The following STXBP4 variants were observed in gnomAD, a reference collection of about 807,000 sequenced individuals.
STXBP4 encodes the protein syntaxin-binding protein 4.
Under a neutral mutation model 76.1 loss-of-function variants are expected in STXBP4, and 55 were observed. The observed-to-expected ratio is 0.72, with a 90% CI of 0.58 to 0.91. STXBP4 has a LOEUF of 0.91. Among genes scored for constraint, STXBP4 ranks in the 40% least tolerant of loss-of-function variants. The probability of loss-of-function intolerance (pLI) is 0.00; values close to 1 mark genes in which losing one functional copy is unlikely to be tolerated. For missense variants in STXBP4, 618 were observed against 636.9 expected, an observed-to-expected ratio of 0.97 and a Z score of 0.32; for synonymous variants, 201 against 220.2, an observed-to-expected ratio of 0.91 and a Z score of 0.77.
In STXBP4 at chr17:54,990,956, A is replaced by C; in HGVS notation, c.179A>C (p.Lys60Thr). 6.4e-7 allele frequency: 1 copy of C among 1,554,318 alleles called. No individual in the cohort carries two copies. Among genetic ancestry groups the C allele is most frequent in the Non-Finnish European group, 8.6e-7 (1 of 1,157,360 alleles). ...ATTATTCCTGGAGGAGACTGTTATA[A>C]GGTAAAAATATGTCCCATGCCCACC... is the stretch of plus-strand genomic sequence containing the variant. The part of the protein sequence containing the change: ...QEIIPGGDCY[K>T]DGRLKPGDQL... The change falls in exon 4 of 18, where the codon AAG (lysine) becomes ACG (threonine). Residue 60 changes from lysine (K) to threonine (T), a missense_variant and splice_region_variant. By Grantham distance (78) the Lys-to-Thr change is moderately conservative (BLOSUM62 -1). Transcript: ENST00000376352.
At chr17:55,113,999 GAAC>G (rs2079753585) in intron 16 of STXBP4, among the ~76,000 whole-genome samples, 1 of 152,060 alleles carries the variant, frequency 6.6e-6, no homozygotes, top group Non-Finnish European at 1.5e-5. Context: ...TGAAATAGAA[GAAC>G]AACTGATTTT....
At chr17:55,195,721 C>A in the STXBP4 span, among the ~76,000 whole-genome samples, 1 of 152,198 alleles carries the variant, frequency 6.6e-6, no homozygotes, top group African/African-American at 2.4e-5. Context: ...CAGGTGTGAG[C>A]CACTGGGCTT....
At chr17:54,997,543 A>G (rs897369451) in intron 4 of STXBP4, among the ~76,000 whole-genome samples, 17 of 145,436 alleles carry the variant, frequency 1.2e-4, no homozygotes, top group Non-Finnish European at 2.3e-4. Flanking sequence ...TAACATAAAT[A>G]TATATAATAT....
At chr17:55,207,605 T>C in the STXBP4 span, among the ~76,000 whole-genome samples, 1 of 152,256 alleles carries the variant, frequency 6.6e-6, no homozygotes, top group East Asian at 1.9e-4. Flanking sequence ...AGTATTTATG[T>C]CACTGGTCTC....
chr17:55,084,665 G>A (rs2079301083), intron 16 of STXBP4, among the ~76,000 whole-genome samples: 2 of 151,840 alleles, frequency 1.3e-5, no homozygotes, highest in South Asian at 2.1e-4. Flanking sequence ...TGTATAAGGT[G>A]TAAGGAAGGG....
At chr17:55,064,814 G>A (rs1005270838) in intron 12 of STXBP4, among the ~76,000 whole-genome samples, 1 of 152,058 alleles carries the variant, frequency 6.6e-6, no homozygotes, top group Admixed American at 6.6e-5. Flanking sequence ...AAACATAAAT[G>A]TTTTTGTGTT....
chr17:55,005,148 A>T (rs144286309), intron 7 of STXBP4, among the ~76,000 whole-genome samples: 125 of 152,336 alleles, frequency 8.2e-4, no homozygotes, highest in Non-Finnish European at 1.4e-3. Flanking sequence ...TGTTGATATT[A>T]ACAATACTGC....
chr17:55,170,689 T>C lies in STXBP4; in HGVS notation c.*10778T>C, dbSNP rs1185088585. The C allele has an allele frequency of 6.6e-6, 1 of 152,220 alleles. No individual in the cohort carries two copies. Among genetic ancestry groups the C allele is most frequent in the Non-Finnish European group, 1.5e-5 (1 of 68,036 alleles). The allele number at this position is 152,220 out of a possible 1,614,324, so 9.4% of individuals were successfully genotyped here. ...GGGACTGGAAAGATCAGAGATTATG[T>C]TATGGCCATGAATGAGGCCTGACCT... is the stretch of plus-strand genomic sequence containing the variant. On this transcript the variant is annotated 3_prime_UTR_variant, in exon 18 of 18. Coordinates refer to ENST00000376352, the MANE Select transcript of STXBP4 (RefSeq NM_178509.6).
At chr17:55,206,585 G>A in the STXBP4 span, among the ~76,000 whole-genome samples, 2 of 152,040 alleles carry the variant, frequency 1.3e-5, no homozygotes, top group Admixed American at 6.6e-5. Context: ...AGCTGAGTAC[G>A]GTGGCTCATG....
At chr17:55,082,955 C>A (rs1409059477) in intron 16 of STXBP4, among the ~76,000 whole-genome samples, 1 of 151,170 alleles carries the variant, frequency 6.6e-6, no homozygotes, top group East Asian at 1.9e-4. Flanking sequence ...GAAGTAGTTG[C>A]ATGCAAGAAA....
chr17:55,034,756 C>G (rs2078569098), intron 10 of STXBP4, among the ~76,000 whole-genome samples: 1 of 152,050 alleles, frequency 6.6e-6, no homozygotes, highest in Non-Finnish European at 1.5e-5. Context: ...GCTAGTAACA[C>G]CCCTGTACCC....
chr17:55,085,732 C>T (rs1230868630), intron 16 of STXBP4, among the ~76,000 whole-genome samples: 2 of 152,002 alleles, frequency 1.3e-5, no homozygotes, highest in Non-Finnish European at 2.9e-5. Context: ...TTCAAAGACC[C>T]TCTGGGGTAA....
chr17:55,086,300 G>A (rs536530968), intron 16 of STXBP4, among the ~76,000 whole-genome samples: 1 of 151,910 alleles, frequency 6.6e-6, no homozygotes, highest in African/African-American at 2.4e-5. Flanking sequence ...TATGCATGGG[G>A]TACATAGTGA....
In STXBP4 at chr17:54,990,868, C is replaced by T. The variant is rs1679305658; in HGVS notation, c.91C>T (p.Leu31Phe). 4 of 1,603,986 alleles carry T rather than the reference C, an allele frequency of 2.5e-6. No homozygotes were observed. The highest frequency in any genetic ancestry group is 3.4e-6 in the Non-Finnish European group (4 of 1,176,880). The change falls in exon 4 of 18, where the codon CTT (leucine) becomes TTT (phenylalanine). Residue 31 changes from leucine (L) to phenylalanine (F), a missense_variant. Coordinates refer to ENST00000376352, the MANE Select transcript of STXBP4 (RefSeq NM_178509.6). Reference sequence around the variant, plus strand: ...GATTACAATTGCCAAGGAAACAGGCCTTGGCCTGAAGGTACTAGGAGGAAT... The same window carrying T: ...GATTACAATTGCCAAGGAAACAGGCTTTGGCCTGAAGGTACTAGGAGGAAT... ...QMITIAKETG[L>F]GLKVLGGINR...
intron 8 of STXBP4, among the ~76,000 whole-genome samples, chr17:55,021,953 C>T (rs2078320677): frequency 1.3e-5 from 2 of 151,834 alleles, no homozygotes; most frequent in African/African-American, 4.8e-5. Flanking sequence ...GACAGGGGCA[C>T]AAAGATGTAT....
chr17:54,974,786 A>T (rs1314704827), intron 1 of STXBP4, among the ~76,000 whole-genome samples: 1 of 152,262 alleles, frequency 6.6e-6, no homozygotes, highest in East Asian at 1.9e-4. Context: ...TTCTTGCAGA[A>T]AGGGGCTACC....
chr17:55,083,297 A>G lies in STXBP4; in HGVS notation c.1489+2114A>G, dbSNP rs2079280643. ...GGCCAGAAAAGAGCTTTTAAAAAGT[A>G]TTTTACATCTCCTTTTTCACTAAAT... On this transcript the variant is annotated intron_variant, in intron 16 of 17. Transcript: ENST00000376352. 2.6e-5 allele frequency among the ~76,000 whole-genome samples: 4 copies of G among 152,104 alleles called. No homozygotes were observed. The South Asian group carries it at 8.3e-4, about 32-fold the overall frequency.
intron 8 of STXBP4, among the ~76,000 whole-genome samples, chr17:55,017,860 C>G (rs1461866211): frequency 6.6e-6 from 1 of 152,136 alleles, no homozygotes; most frequent in Non-Finnish European, 1.5e-5. Context: ...AGTCTGGCAG[C>G]CATGCTAATC....
chr17:55,119,182 GCC>G (rs1199276904), intron 16 of STXBP4, among the ~76,000 whole-genome samples: 2 of 151,836 alleles, frequency 1.3e-5, no homozygotes. Context: ...TGCCTAAGAA[GCC>G]TCTCCCTGGT....
Sources: allele counts gnomAD v4.1 joint callset (sites outside exome capture counted in the v4.1 genomes callset), GRCh38; gene constraint gnomAD v4.1.1; transcripts MANE v1.5; gene names NCBI Gene and HGNC (gene_info 2026-07-23, HGNC 2026-07-21).